Variants in CNTNAP2 observed in about 807,000 individuals in gnomAD.
CNTNAP2 encodes contactin associated protein 2, also known as contactin-associated protein-like 2.
A neutral mutation model predicts 155.2 loss-of-function variants in CNTNAP2; 98 were observed. The observed-to-expected ratio is 0.63, with a 90% CI of 0.54 to 0.75. The LOEUF (loss-of-function observed/expected upper bound fraction) is 0.75. Among genes scored for constraint, CNTNAP2 ranks in the 30% least tolerant of loss-of-function variants. CNTNAP2 has a pLI of 0.00. For synonymous variants in CNTNAP2, 651 were observed against 631.2 expected, an observed-to-expected ratio of 1.03 and a Z score of -0.47; for missense variants, 1,727 against 1,688.1, an observed-to-expected ratio of 1.02 and a Z score of -0.40.
At chr7:148,062,028 AGTGTGTGT>A (rs199528714) in intron 15 of CNTNAP2, among the ~76,000 whole-genome samples, 4,105 of 105,686 alleles carry the variant, frequency 0.039, 206 homozygotes, top group African/African-American at 0.062. Context: ...AGAGAGAGAG[AGTGTGTGT>A]GTGTGTGTGT....
intron 1 of CNTNAP2, among the ~76,000 whole-genome samples, chr7:146,692,923 A>T (rs187323469): frequency 1.1e-4 from 17 of 152,248 alleles, no homozygotes; most frequent in Admixed American, 7.9e-4. Flanking sequence ...CCATGGTATG[A>T]AACTGCCATG....
At chr7:148,283,617 C>G (rs773533589) in intron 21 of CNTNAP2, among the ~76,000 whole-genome samples, 17 of 152,044 alleles carry the variant, frequency 1.1e-4, no homozygotes, top group Non-Finnish European at 2.1e-4. Context: ...ATACCATAAA[C>G]AAGTATCATT....
chr7:148,321,032 G>A (rs140135724), intron 21 of CNTNAP2, among the ~76,000 whole-genome samples: 49 of 152,244 alleles, frequency 3.2e-4, no homozygotes, highest in African/African-American at 9.9e-4. Flanking sequence ...TGAGAGGAGC[G>A]CCTGGCCAGA....
At chr7:147,562,791 G>A (rs1800090076) in intron 12 of CNTNAP2, among the ~76,000 whole-genome samples, 1 of 152,158 alleles carries the variant, frequency 6.6e-6, no homozygotes, top group Non-Finnish European at 1.5e-5. Flanking sequence ...CCACTTCCAT[G>A]TGAAATGAGA....
At chr7:147,687,097 A>G (rs945184199) in intron 13 of CNTNAP2, among the ~76,000 whole-genome samples, 3 of 152,172 alleles carry the variant, frequency 2.0e-5, no homozygotes, top group Non-Finnish European at 4.4e-5. Flanking sequence ...TTTAGAGATT[A>G]TATACATGTA....
chr7:146,539,708 T>C (rs1797922570), intron 1 of CNTNAP2, among the ~76,000 whole-genome samples: 1 of 152,094 alleles, frequency 6.6e-6, no homozygotes. Flanking sequence ...CTCCAACTCC[T>C]GGTTTAAAAG....
intron 13 of CNTNAP2, among the ~76,000 whole-genome samples, chr7:147,878,743 C>A (rs2116712304): frequency 6.6e-6 from 1 of 152,226 alleles, no homozygotes; most frequent in East Asian, 1.9e-4. Flanking sequence ...ACATCAAATC[C>A]TTTTGAGAAT....
chr7:146,334,416 G>A (rs1277535125), intron 1 of CNTNAP2, among the ~76,000 whole-genome samples: 1 of 135,670 alleles, frequency 7.4e-6, no homozygotes, highest in Non-Finnish European at 1.5e-5. Context: ...GGGCGACAGA[G>A]CAAGACTCCG....
At chr7:146,755,191 T>C (rs1022512707) in intron 1 of CNTNAP2, among the ~76,000 whole-genome samples, 1 of 151,968 alleles carries the variant, frequency 6.6e-6, no homozygotes, top group African/African-American at 2.4e-5. Context: ...GTTTATTCAT[T>C]CAAAAATATA....
intron 1 of CNTNAP2, among the ~76,000 whole-genome samples, chr7:146,500,831 ATTAATTATTGTG>A (rs1409404049): frequency 1.3e-5 from 2 of 152,214 alleles, no homozygotes; most frequent in African/African-American, 4.8e-5. Flanking sequence ...ATTTTTCACC[ATTAATTATTGTG>A]TTAACTATGA....
chr7:146,854,709 G>C (rs1053350689), intron 3 of CNTNAP2, among the ~76,000 whole-genome samples: 13 of 152,232 alleles, frequency 8.5e-5, no homozygotes, highest in Admixed American at 7.2e-4. Flanking sequence ...CTGATGAAGA[G>C]GGTATTTCTA....
intron 14 of CNTNAP2, among the ~76,000 whole-genome samples, chr7:147,923,648 G>A (rs1011302167): frequency 2.7e-5 from 4 of 150,626 alleles, no homozygotes; most frequent in Non-Finnish European, 5.9e-5. Flanking sequence ...GAAGTAGCTA[G>A]GATTATAGGC....
At chr7:146,308,012 A>G (rs1012866222) in intron 1 of CNTNAP2, among the ~76,000 whole-genome samples, 3 of 152,040 alleles carry the variant, frequency 2.0e-5, no homozygotes, top group Non-Finnish European at 4.4e-5. Flanking sequence ...CTGCACAGCA[A>G]AAGAAACTAC....
intron 1 of CNTNAP2, among the ~76,000 whole-genome samples, chr7:146,210,174 T>G (rs1209685873): frequency 6.6e-6 from 1 of 152,166 alleles, no homozygotes; most frequent in African/African-American, 2.4e-5. Flanking sequence ...TTACTATATC[T>G]GAATTCAAAA....
chr7:146,624,421 T>C (rs1166534630), intron 1 of CNTNAP2, among the ~76,000 whole-genome samples: 1 of 152,038 alleles, frequency 6.6e-6, no homozygotes, highest in Non-Finnish European at 1.5e-5. Flanking sequence ...ACAAGACATA[T>C]AGTTGGTGTC....
chr7:146,679,864 A>T (rs551717608), intron 1 of CNTNAP2, among the ~76,000 whole-genome samples: 2 of 152,136 alleles, frequency 1.3e-5, no homozygotes, highest in Non-Finnish European at 2.9e-5. Context: ...TTTATATTCC[A>T]AATTAATTAT....
At chr7:147,436,387 G>A (rs1039047426) in intron 10 of CNTNAP2, among the ~76,000 whole-genome samples, 2 of 152,032 alleles carry the variant, frequency 1.3e-5, no homozygotes, top group Non-Finnish European at 2.9e-5. Context: ...TTTTTAATTT[G>A]ATGTTATATC....
rs1286559248 is a variant in CNTNAP2, at chr7:148,415,809, T to C, written c.*193T>C. The C allele has an allele frequency of 6.2e-6, 4 of 648,808 alleles. No individual in the cohort carries two copies. Among genetic ancestry groups the C allele is most frequent in the African/African-American group, 5.5e-5 (3 of 54,726 alleles). 40.2% of individuals were successfully genotyped at this position (648,808 alleles called of 1,614,324 possible). On this transcript the variant is annotated 3_prime_UTR_variant, in exon 24 of 24. Transcript: ENST00000361727. ...AAAAAAAACCTTTTTAATATTTCTT[T>C]ATAGCTGAGTTTTCCCTTCTGTATC...
chr7:146,415,148 A>G (rs1795920839), intron 1 of CNTNAP2, among the ~76,000 whole-genome samples: 1 of 152,132 alleles, frequency 6.6e-6, no homozygotes, highest in Non-Finnish European at 1.5e-5. Flanking sequence ...TAAGGAGCAA[A>G]GCACCACAGT....
Sources: allele counts gnomAD v4.1 joint callset (sites outside exome capture counted in the v4.1 genomes callset), GRCh38; gene constraint gnomAD v4.1.1; transcripts MANE v1.5; gene names NCBI Gene and HGNC (gene_info 2026-07-23, HGNC 2026-07-21).